UMODL1: variants seen among roughly 807,000 people sequenced by gnomAD.
UMODL1 encodes the protein uromodulin like 1, also known as uromodulin-like 1.
UMODL1 carries 128 observed loss-of-function variants against 136.3 expected under a neutral mutation model. The observed-to-expected ratio is 0.94, with a 90% CI of 0.81 to 1.09. The LOEUF (loss-of-function observed/expected upper bound fraction) is 1.09. Ranked by LOEUF, UMODL1 falls within the 50% of genes least tolerant of loss-of-function variation. The probability of loss-of-function intolerance (pLI) is 0.00; values close to 1 mark genes in which losing one functional copy is unlikely to be tolerated. For synonymous variants in UMODL1, 721 were observed against 720.0 expected, an observed-to-expected ratio of 1.00 and a Z score of -0.02; for missense variants, 1,766 against 1,725.6, an observed-to-expected ratio of 1.02 and a Z score of -0.41.
At chr21:42,132,219 A>G (rs538280361) in intron 21 of UMODL1, among the ~76,000 whole-genome samples, 1 of 150,874 alleles carries the variant, frequency 6.6e-6, no homozygotes, top group African/African-American at 2.4e-5. Flanking sequence ...CCACTCATCT[A>G]TCATCCATCC....
intron 2 of UMODL1, among the ~76,000 whole-genome samples, chr21:42,077,059 GT>G (rs2066302778): frequency 4.5e-5 from 6 of 132,908 alleles, no homozygotes; most frequent in Non-Finnish European, 6.3e-5. Flanking sequence ...GTGTGTGTGT[GT>G]GTGTGTGGTG....
chr21:42,098,776 A>G, intron 6 of UMODL1, 150 bp from the exon 7 acceptor site: 1 of 1,281,462 alleles, frequency 7.8e-7, no homozygotes, highest in Admixed American at 2.2e-5. Flanking sequence ...CAAAACAAAA[A>G]ACAAAAAATA....
At chr21:42,083,160 C>T (rs2066382775) in intron 2 of UMODL1, among the ~76,000 whole-genome samples, 1 of 152,234 alleles carries the variant, frequency 6.6e-6, no homozygotes, top group Non-Finnish European at 1.5e-5. Context: ...CCTCAGGGGC[C>T]ACCTCCAGTG....
rs771428351 is a variant in UMODL1, at chr21:42,126,466, C to A, written c.3269C>A (p.Ser1090Tyr). The change falls in exon 18 of 23, where the codon TCC (serine) becomes TAC (tyrosine). Residue 1090 changes from serine to tyrosine, a missense_variant. Physicochemically the swap from Ser to Tyr is moderately radical, Grantham distance 144. Coordinates refer to ENST00000408910, the MANE Select transcript of UMODL1 (RefSeq NM_001004416.3). ...GCCTTCCAGAATGACCTGCTGACAT[C>A]CTCCGGCTTCACCCTGGAGTGGGGG... ...YCAFQNDLLTSSGFTLEWGVY... is the reference protein window; with the variant it reads ...YCAFQNDLLTYSGFTLEWGVY... The A allele has an allele frequency of 6.2e-7, 1 of 1,614,280 alleles. No homozygotes were observed. The highest frequency in any genetic ancestry group is 8.5e-7 in the Non-Finnish European group (1 of 1,180,040).
intron 2 of UMODL1, among the ~76,000 whole-genome samples, chr21:42,080,646 G>A (rs749924227): frequency 9.2e-5 from 14 of 152,132 alleles, no homozygotes; most frequent in Non-Finnish European, 1.8e-4. Flanking sequence ...ATGAACACAC[G>A]AGCCATACAG....
intron 16 of UMODL1, among the ~76,000 whole-genome samples, chr21:42,121,501 G>C (rs2066972133): frequency 6.6e-6 from 1 of 152,194 alleles, no homozygotes; most frequent in African/African-American, 2.4e-5. Context: ...TATCCATGGA[G>C]AGAAAATATA....
Position 42,122,763 on chromosome 21 carries a change from C to A in UMODL1, c.2828-68C>A. The A allele has an allele frequency of 1.3e-6, 2 of 1,488,366 alleles. No homozygotes were observed. The highest frequency in any genetic ancestry group is 1.8e-6 in the Non-Finnish European group (2 of 1,112,772). 92.2% of individuals were successfully genotyped at this position (1,488,366 alleles called of 1,614,324 possible). A position where few individuals can be genotyped will look rare whatever the true frequency, so the allele number is the denominator to read the frequency against. ...CAGGGCAGCTCCAGTCTGCTCCTTA[C>A]CCCTGCCCCTCCATGCCAACCCCAA... On this transcript the variant is annotated intron_variant, in intron 16 of 22. Transcript: ENST00000408910. This position sits in a 1 kb window ranked among gnomAD's most constrained non-coding sequence, Gnocchi z 4.3.
chr21:42,129,729 G>A lies in UMODL1; in HGVS notation c.3707G>A (p.Arg1236Gln), dbSNP rs368871286. The change falls in exon 21 of 23, where the codon CGG (arginine) becomes CAG (glutamine). Residue 1236 changes from arginine to glutamine, a missense_variant. By Grantham distance (43) the Arg-to-Gln change is conservative. Transcript: ENST00000408910. ...AAAAAACAGAATTGCAATAACTTTC[G>A]GTTGCTGCAAAATAGTGAAACCTCT... The part of the protein sequence containing the change: ...ATCKINCNNF[R>Q]LLQNSETSAT... 2.3e-5 allele frequency: 37 copies of A among 1,576,410 alleles called. No individual in the cohort carries two copies. Among genetic ancestry groups the A allele is most frequent in the African/African-American group, 5.5e-5 (4 of 72,450 alleles).
At chr21:42,138,719 G>A (rs2067241306) in intron 22 of UMODL1, among the ~76,000 whole-genome samples, 1 of 152,078 alleles carries the variant, frequency 6.6e-6, no homozygotes, top group African/African-American at 2.4e-5. Flanking sequence ...GGGATTACAG[G>A]CATGCGCCAC....
chr21:42,076,134 G>A lies in UMODL1; in HGVS notation c.206G>A (p.Arg69Gln), dbSNP rs201388635. 34 of 1,614,108 alleles carry A rather than the reference G, an allele frequency of 2.1e-5. 1 individual carries two copies. Among genetic ancestry groups the A allele is most frequent in the South Asian group, 9.9e-5 (9 of 91,090 alleles). The change falls in exon 2 of 23, where the codon CGG (arginine) becomes CAG (glutamine). Residue 69 changes from arginine (R) to glutamine (Q), a missense_variant. Transcript: ENST00000408910. Reference protein sequence around the residue: ...VSCGGWIPWRRCPKMVYRTQY... With the variant: ...VSCGGWIPWRQCPKMVYRTQY... ...TGCGGCGGCTGGATCCCCTGGAGGC[G>A]GTGCCCTAAGATGGTTTACCGGACA... is the stretch of plus-strand genomic sequence containing the variant.
intron 9 of UMODL1, among the ~76,000 whole-genome samples, chr21:42,105,003 G>A (rs531749415): frequency 2.6e-5 from 4 of 152,286 alleles, no homozygotes; most frequent in South Asian, 2.1e-4. Flanking sequence ...CTCTCTGGTC[G>A]TCTCCCGGGG....
Position 42,113,636 on chromosome 21 carries a change from G to C in UMODL1, c.2168G>C (p.Trp723Ser). Residue 723 changes from tryptophan (W) to serine (S), a missense_variant, in exon 13 of 23, where the codon TGG (tryptophan) becomes TCG (serine). By Grantham distance (177) the Trp-to-Ser change is radical (BLOSUM62 -3). Coordinates refer to ENST00000408910, the MANE Select transcript of UMODL1 (RefSeq NM_001004416.3). ...NVTSTGFHLA[W>S]EADLAMDSTF... ...ACCAGCACCGGCTTCCACCTGGCATGGGAGGCGGATCTTGCTATGGACTCC... is the reference window on the plus strand; with the variant it reads ...ACCAGCACCGGCTTCCACCTGGCATCGGAGGCGGATCTTGCTATGGACTCC... The C allele has an allele frequency of 6.2e-7, 1 of 1,614,118 alleles. No individual in the cohort carries two copies. Among genetic ancestry groups the C allele is most frequent in the Non-Finnish European group, 8.5e-7 (1 of 1,180,046 alleles).
In UMODL1 at chr21:42,119,334, G is replaced by A. The variant is rs754451339; in HGVS notation, c.2689+10G>A. The A allele has an allele frequency of 1.1e-5, 17 of 1,612,052 alleles. No homozygotes were observed. Among genetic ancestry groups the A allele is most frequent in the East Asian group, 4.5e-5 (2 of 44,890 alleles). ...GACACCTTCATACAGGGTACGAGAG[G>A]CTGGGATGGAGCCTCTCCCGTGTTC... On this transcript the variant is annotated intron_variant, in intron 15 of 22. Coordinates refer to ENST00000408910, the MANE Select transcript of UMODL1 (RefSeq NM_001004416.3).
chr21:42,130,837 T>A (rs956599538), intron 21 of UMODL1, among the ~76,000 whole-genome samples: 30 of 137,130 alleles, frequency 2.2e-4, no homozygotes, highest in Non-Finnish European at 2.5e-4. Context: ...TGAGACGGAG[T>A]TTTTCTCTGT....
At chr21:42,126,273 G>T (rs1006933881) in intron 17 of UMODL1, 72 bp from the exon 18 acceptor site, 7 of 1,598,894 alleles carry the variant, frequency 4.4e-6, no homozygotes, top group East Asian at 2.2e-5. Flanking sequence ...AGCACCTAGA[G>T]CCGTGGCCCA....
intron 21 of UMODL1, among the ~76,000 whole-genome samples, chr21:42,134,811 G>C (rs1365687984): frequency 1.3e-5 from 2 of 150,594 alleles, no homozygotes; most frequent in Admixed American, 6.6e-5. Flanking sequence ...TTTTAGTAGA[G>C]ACGGGGGTTT....
chr21:42,081,303 T>C (rs1170727452), intron 2 of UMODL1, among the ~76,000 whole-genome samples: 2 of 152,246 alleles, frequency 1.3e-5, no homozygotes, highest in African/African-American at 2.4e-5. Flanking sequence ...CACCCAGTCC[T>C]CAGCCCTGGG....
intron 1 of UMODL1, among the ~76,000 whole-genome samples, chr21:42,065,688 C>A (rs2066177550): frequency 6.6e-6 from 1 of 152,006 alleles, no homozygotes; most frequent in South Asian, 2.1e-4. Flanking sequence ...CAGGCATGCA[C>A]CCCCATGCCC....
chr21:42,126,926 T>C, intron 18 of UMODL1, 80 bp from the exon 19 acceptor site: 2 of 1,149,848 alleles, frequency 1.7e-6, no homozygotes, highest in Non-Finnish European at 2.6e-6. Context: ...AGCTGTGTTT[T>C]AGGGGAGAAG....
Sources: gnomAD v4.1 joint callset for allele counts (sites outside exome capture counted in the v4.1 genomes callset) on GRCh38, gnomAD v4.1.1 for gene constraint, Gnocchi (gnomAD v3.1) non-coding constraint, MANE v1.5 for transcripts, NCBI Gene and HGNC (gene_info 2026-07-23, HGNC 2026-07-21) for gene names.